Variants in NRG3 observed in about 807,000 individuals in gnomAD.
NRG3 encodes neuregulin 3, also known as pro-neuregulin-3, membrane-bound isoform.
In NRG3, 31 loss-of-function variants were observed where a neutral mutation model predicts 66.9. The ratio of observed to expected loss-of-function variants is 0.46; its 90% CI spans 0.35 to 0.63. The LOEUF is 0.63. NRG3 is among the 20% of genes least tolerant of loss of function. The pLI, the probability that NRG3 is intolerant of heterozygous loss-of-function variation, is 0.00. For synonymous variants in NRG3, 393 were observed against 359.4 expected, an observed-to-expected ratio of 1.09 and a Z score of -1.06; for missense variants, 910 against 878.9, an observed-to-expected ratio of 1.04 and a Z score of -0.45.
chr10:82,832,287 A>G (rs568567136), intron 3 of NRG3, among the ~76,000 whole-genome samples: 15 of 152,186 alleles, frequency 9.9e-5, no homozygotes, highest in Non-Finnish European at 2.1e-4. Context: ...CTTCCTTAGC[A>G]ATGCCTCAGA....
At chr10:82,643,224 T>A (rs2050702140) in intron 2 of NRG3, among the ~76,000 whole-genome samples, 1 of 152,096 alleles carries the variant, frequency 6.6e-6, no homozygotes, top group African/African-American at 2.4e-5. Flanking sequence ...GAAAGATAAT[T>A]GAATCATGGT....
chr10:82,374,399 C>G (rs2085078552), intron 2 of NRG3, among the ~76,000 whole-genome samples: 1 of 152,188 alleles, frequency 6.6e-6, no homozygotes, highest in African/African-American at 2.4e-5. Context: ...ATCCTCCAAT[C>G]TTGTCAAATT....
chr10:82,389,981 A>C (rs1348807729), intron 2 of NRG3, among the ~76,000 whole-genome samples: 2 of 152,192 alleles, frequency 1.3e-5, no homozygotes, highest in African/African-American at 4.8e-5. Flanking sequence ...AAGTCAGATA[A>C]ACCATGGTTT....
intron 3 of NRG3, among the ~76,000 whole-genome samples, chr10:82,823,845 A>C (rs537149330): frequency 6.6e-6 from 1 of 152,308 alleles, no homozygotes; most frequent in Non-Finnish European, 1.5e-5. Flanking sequence ...TTGACGTATA[A>C]TTCACGCATT....
intron 1 of NRG3, among the ~76,000 whole-genome samples, chr10:81,884,205 T>G (rs1012133388): frequency 1.3e-5 from 2 of 152,216 alleles, no homozygotes; most frequent in African/African-American, 4.8e-5. Flanking sequence ...ATAGTGTCAC[T>G]ATATCCATTT....
intron 2 of NRG3, among the ~76,000 whole-genome samples, chr10:82,463,967 A>T (rs1198156246): frequency 6.6e-6 from 1 of 152,212 alleles, no homozygotes; most frequent in Non-Finnish European, 1.5e-5. Flanking sequence ...ACTTTATTGA[A>T]TAAAGTAATG....
intron 1 of NRG3, among the ~76,000 whole-genome samples, chr10:82,241,068 G>C (rs182730572): frequency 6.6e-6 from 1 of 152,084 alleles, no homozygotes; most frequent in South Asian, 2.1e-4. Context: ...TAAGAAACCT[G>C]CTGATTCTCT....
intron 4 of NRG3, among the ~76,000 whole-genome samples, chr10:82,932,584 C>G (rs908984127): frequency 2.0e-5 from 3 of 152,096 alleles, no homozygotes; most frequent in Non-Finnish European, 4.4e-5. Flanking sequence ...CTGACTGGGG[C>G]TCTCTGTGGC....
At chr10:82,739,424 G>T (rs570464686) in intron 3 of NRG3, among the ~76,000 whole-genome samples, 2 of 152,124 alleles carry the variant, frequency 1.3e-5, no homozygotes, top group Non-Finnish European at 2.9e-5. Flanking sequence ...ATAATGATAG[G>T]CATTTTGCAA....
chr10:82,245,978 GTTTTTTTTTTTT>G (rs372596396), intron 1 of NRG3, among the ~76,000 whole-genome samples: 6 of 103,300 alleles, frequency 5.8e-5, no homozygotes, highest in Non-Finnish European at 1.1e-4. Context: ...CAGTCTTCTG[GTTTTTTTTTTTT>G]TTTTTTTTTT....
intron 1 of NRG3, among the ~76,000 whole-genome samples, chr10:82,051,447 C>G (rs2063588046): frequency 6.6e-6 from 1 of 152,108 alleles, no homozygotes; most frequent in Non-Finnish European, 1.5e-5. Context: ...CATCACTGCT[C>G]CTACCTGAAA....
At position 82,072,675 on chromosome 10, in the gene NRG3, G is replaced by C. The variant is rs2064873910; in HGVS notation, c.823+196512G>C. 2.4e-5 allele frequency among the ~76,000 whole-genome samples: 3 copies of C among 124,832 alleles called. No individual in the cohort carries two copies. In the Admixed American group the frequency reaches 2.7e-4, roughly 11 times the overall value. 81.9% of individuals were successfully genotyped at this position (124,832 alleles called of 152,430 possible). ...AATTTTAATAGTAGTTATCTCTTGG[G>C]GTTGGGATTATAGATGACTTTTTTT... On this transcript the variant is annotated intron_variant, in intron 1 of 8. Coordinates refer to ENST00000372141, the MANE Select transcript of NRG3 (RefSeq NM_001010848.4).
chr10:82,041,545 T>G (rs1214320329), intron 1 of NRG3, among the ~76,000 whole-genome samples: 3 of 151,958 alleles, frequency 2.0e-5, no homozygotes, highest in Non-Finnish European at 2.9e-5. Context: ...TGTGAAGACT[T>G]TGTCTCATTT....
chr10:82,664,603 C>G (rs373196256), intron 2 of NRG3, among the ~76,000 whole-genome samples: 2 of 152,020 alleles, frequency 1.3e-5, no homozygotes, highest in African/African-American at 2.4e-5. Context: ...CTTAATAATG[C>G]GGACCATGGT....
At chr10:82,096,759 A>G (rs2066371356) in intron 1 of NRG3, among the ~76,000 whole-genome samples, 1 of 152,172 alleles carries the variant, frequency 6.6e-6, no homozygotes, top group South Asian at 2.1e-4. Context: ...AATATAAAGC[A>G]AAGAGAGAAA....
chr10:82,779,040 C>T lies in NRG3; in HGVS notation c.1027+40390C>T, dbSNP rs933864574. ...TCTCAGGGATGAAAGAATGCAGTGG[C>T]TACTTGTTCCTGGGGCAGGGCATAC... On this transcript the variant is annotated intron_variant, in intron 3 of 8. Transcript: ENST00000372141. Among the ~76,000 whole-genome samples, 10 of 152,128 alleles carry T rather than the reference C, an allele frequency of 6.6e-5. No homozygotes were observed. The East Asian group carries it at 1.9e-3, about 30-fold the overall frequency.
chr10:82,931,096 A>T (rs1390370473), intron 4 of NRG3, among the ~76,000 whole-genome samples: 1 of 152,150 alleles, frequency 6.6e-6, no homozygotes, highest in Non-Finnish European at 1.5e-5. Context: ...CACTGCACAC[A>T]TCCCCTCCAC....
At chr10:82,543,642 G>T (rs1239837432) in intron 2 of NRG3, among the ~76,000 whole-genome samples, 1 of 152,178 alleles carries the variant, frequency 6.6e-6, no homozygotes, top group Non-Finnish European at 1.5e-5. Flanking sequence ...ACTGTGATGA[G>T]TATTTTCATC....
chr10:82,245,309 C>T (rs925534000), intron 1 of NRG3, among the ~76,000 whole-genome samples: 5 of 152,092 alleles, frequency 3.3e-5, no homozygotes, highest in African/African-American at 4.8e-5. Context: ...TGACAGGAGA[C>T]GGAGCTCAGG....
Sources: allele counts gnomAD v4.1 joint callset (sites outside exome capture counted in the v4.1 genomes callset), GRCh38; gene constraint gnomAD v4.1.1; transcripts MANE v1.5; gene names NCBI Gene and HGNC (gene_info 2026-07-23, HGNC 2026-07-21).